The following SLC17A5 variants were observed in gnomAD, a reference collection of about 807,000 sequenced individuals.
SLC17A5 encodes the protein solute carrier family 17 member 5, also known as sialin.
In SLC17A5, 47 loss-of-function variants were observed where a neutral mutation model predicts 59.4. The ratio of observed to expected loss-of-function variants is 0.79; its 90% CI spans 0.63 to 1.01. The LOEUF (loss-of-function observed/expected upper bound fraction) is 1.01. Among genes scored for constraint, SLC17A5 ranks in the 50% least tolerant of loss-of-function variants. The pLI is 0.00. For missense variants in SLC17A5, 522 were observed against 595.5 expected (o/e 0.88, Z 1.28); for synonymous variants, 202 against 210.7 (o/e 0.96, Z 0.36).
intron 8 of SLC17A5, among the ~76,000 whole-genome samples, chr6:73,613,026 A>C (rs565040573): frequency 6.9e-6 from 1 of 145,800 alleles, no homozygotes; most frequent in Non-Finnish European, 1.5e-5. Context: ...TGGCCAACGG[A>C]GCAAGACCCT....
At chr6:73,609,539 C>A (rs1561987770) in intron 9 of SLC17A5, among the ~76,000 whole-genome samples, 1 of 149,454 alleles carries the variant, frequency 6.7e-6, no homozygotes, top group Non-Finnish European at 1.5e-5. Context: ...TATAGTTAGA[C>A]AAATCAATTG....
intron 4 of SLC17A5, 75 bp downstream of exon 4, chr6:73,638,337 G>C (rs941085362): frequency 1.1e-5 from 11 of 1,013,986 alleles, no homozygotes; most frequent in African/African-American, 1.6e-5. Flanking sequence ...CATCGTTCTG[G>C]TATGCAGGCC....
chr6:73,651,409 C>G lies in SLC17A5; in HGVS notation c.94+2384G>C, dbSNP rs190286755. 1.4e-3 allele frequency among the ~76,000 whole-genome samples: 172 copies of G among 124,312 alleles called. 1 individual carries two copies. Among genetic ancestry groups the G allele is most frequent in the African/African-American group, 5.4e-3 (170 of 31,576 alleles). The allele number at this position is 124,312 out of a possible 152,430, so 81.6% of individuals were successfully genotyped here. ...CGGGGAGGCTGAGGCTGCAGTGAGC[C>G]GAGATCGCACCACTGCACTCCAGCC... On this transcript the variant is annotated intron_variant, in intron 1 of 10. Coordinates refer to ENST00000355773, the MANE Select transcript of SLC17A5 (RefSeq NM_012434.5).
intron 7 of SLC17A5, 23 bp from the exon 8 acceptor site, chr6:73,615,470 GGATT>G: frequency 1.2e-6 from 2 of 1,613,010 alleles, no homozygotes; most frequent in Non-Finnish European, 1.7e-6. Context: ...AGAAGATACA[GGATT>G]AATTACGGTG....
chr6:73,624,896 C>T (rs940251062), intron 6 of SLC17A5, among the ~76,000 whole-genome samples: 2 of 148,254 alleles, frequency 1.3e-5, no homozygotes, highest in Non-Finnish European at 3.0e-5. Flanking sequence ...TATATATATA[C>T]ATTCAGATTG....
chr6:73,651,744 C>A (rs115269004), intron 1 of SLC17A5, among the ~76,000 whole-genome samples: 1 of 151,756 alleles, frequency 6.6e-6, no homozygotes, highest in East Asian at 2.0e-4. Flanking sequence ...GCGTTTCAGG[C>A]GTTTCACCTT....
At chr6:73,625,309 C>T (rs1355900840) in intron 6 of SLC17A5, among the ~76,000 whole-genome samples, 1 of 152,104 alleles carries the variant, frequency 6.6e-6, no homozygotes, top group Non-Finnish European at 1.5e-5. Flanking sequence ...GCCTCAGCCT[C>T]CCGAGTAGCT....
chr6:73,642,739 G>A (rs1769343275), intron 2 of SLC17A5, among the ~76,000 whole-genome samples: 1 of 152,186 alleles, frequency 6.6e-6, no homozygotes, highest in African/African-American at 2.4e-5. Context: ...AACATGTCAA[G>A]AACCATTCCG....
intron 9 of SLC17A5, 68 bp from the exon 10 acceptor site, chr6:73,600,509 T>TAA: frequency 4.3e-5 from 1 of 23,528 alleles, no homozygotes; most frequent in Non-Finnish European, 6.4e-5. Flanking sequence ...TCTTTCCTTC[T>TAA]TTTTTTTTTT....
At chr6:73,606,242 C>T (rs930694670) in intron 9 of SLC17A5, among the ~76,000 whole-genome samples, 2 of 152,040 alleles carry the variant, frequency 1.3e-5, no homozygotes, top group South Asian at 2.1e-4. Context: ...GGGGTTTCAC[C>T]ATGTTGGTCA....
At chr6:73,650,507 C>CAAAAAAAAAAAAAAA (rs999445559) in intron 1 of SLC17A5, among the ~76,000 whole-genome samples, 3 of 35,562 alleles carry the variant, frequency 8.4e-5, no homozygotes, top group African/African-American at 8.4e-5. Flanking sequence ...GACTCCGTCT[C>CAAAAAAAAAAAAAAA]AAAAAAAAAA....
At chr6:73,620,915 G>A (rs555848336) in intron 7 of SLC17A5, among the ~76,000 whole-genome samples, 7 of 151,880 alleles carry the variant, frequency 4.6e-5, no homozygotes, top group South Asian at 2.1e-4. Flanking sequence ...TAGTAGAGAC[G>A]GTTTTGCTGT....
At chr6:73,639,874 C>T (rs1299405013) in intron 3 of SLC17A5, among the ~76,000 whole-genome samples, 11 of 151,934 alleles carry the variant, frequency 7.2e-5, no homozygotes, top group African/African-American at 1.9e-4. Context: ...GGTGAAACCC[C>T]GCCTCTACTA....
intron 7 of SLC17A5, chr6:73,618,514 G>C: frequency 3.9e-6 from 2 of 510,746 alleles, no homozygotes; most frequent in Non-Finnish European, 3.7e-6. Context: ...TTTGTGTGTT[G>C]GGTGCTCTAC....
chr6:73,635,316 C>T (rs971214080), intron 6 of SLC17A5, 66 bp downstream of exon 6: 1 of 877,908 alleles, frequency 1.1e-6, no homozygotes, highest in South Asian at 1.4e-5. Context: ...TTTTTAAAAA[C>T]TGATATCTTA....
chr6:73,604,229 G>A (rs1309048162), intron 9 of SLC17A5, among the ~76,000 whole-genome samples: 1 of 151,952 alleles, frequency 6.6e-6, no homozygotes, highest in Non-Finnish European at 1.5e-5. Context: ...ATTAAGTGCA[G>A]ACGAATGCCA....
chr6:73,650,219 AG>A, intron 1 of SLC17A5, among the ~76,000 whole-genome samples: 1 of 141,864 alleles, frequency 7.0e-6, no homozygotes. Context: ...AAAAAAAGAA[AG>A]AAAAAAAGGC....
Position 73,600,378 on chromosome 6 carries a change from G to A in SLC17A5, c.1323C>T (p.Pro441=), listed in dbSNP as rs888893721. Residue 441 remains proline, a synonymous_variant, in exon 10 of 11, where the codon CCC becomes CCT. Coordinates refer to ENST00000355773, the MANE Select transcript of SLC17A5 (RefSeq NM_012434.5). ...TFATIPGMVG[P]VIAKSLTPDN... The stretch of plus-strand genomic sequence containing the variant: ...CAGGGGTCAGACTTTTAGCAATGAC[G>A]GGCCCAACCATTCCTGGAATAGTGG... The A allele has an allele frequency of 5.0e-6, 8 of 1,613,934 alleles. No homozygotes were observed. Among genetic ancestry groups the A allele is most frequent in the East Asian group, 4.5e-5 (2 of 44,884 alleles).
At chr6:73,640,492 T>G (rs1489615877) in intron 3 of SLC17A5, among the ~76,000 whole-genome samples, 3 of 152,212 alleles carry the variant, frequency 2.0e-5, no homozygotes, top group Admixed American at 1.3e-4. Flanking sequence ...ATCTAGAGAT[T>G]AGAGCTTACC....
Sources: gnomAD v4.1 joint callset for allele counts (sites outside exome capture counted in the v4.1 genomes callset) on GRCh38, gnomAD v4.1.1 for gene constraint, MANE v1.5 for transcripts, NCBI Gene and HGNC (gene_info 2026-07-23, HGNC 2026-07-21) for gene names.